The following CHCHD3 variants were observed in gnomAD, a reference collection of about 807,000 sequenced individuals.
The protein encoded by CHCHD3 is MICOS complex subunit MIC19.
Under a neutral mutation model 38.2 loss-of-function variants are expected in CHCHD3, and 20 were observed. That is an observed-to-expected ratio of 0.52 (90% CI 0.37 to 0.76). CHCHD3 has a LOEUF of 0.76. Ranked by LOEUF, CHCHD3 falls within the 30% of genes least tolerant of loss-of-function variation. The pLI is 0.00. For synonymous variants in CHCHD3, 82 were observed against 100.0 expected (o/e 0.82, Z 1.07); for missense variants, 245 against 279.2 (o/e 0.88, Z 0.87).
chr7:132,894,843 T>C (rs1809454734), intron 4 of CHCHD3, among the ~76,000 whole-genome samples: 1 of 152,230 alleles, frequency 6.6e-6, no homozygotes, highest in Non-Finnish European at 1.5e-5. Flanking sequence ...GTATGTACAT[T>C]ATTATGTAAG....
At chr7:133,066,869 C>A (rs1814684713) in intron 2 of CHCHD3, among the ~76,000 whole-genome samples, 2 of 152,176 alleles carry the variant, frequency 1.3e-5, no homozygotes, top group African/African-American at 4.8e-5. Flanking sequence ...CGGGTTCTTT[C>A]CTTAGTTCAA....
At chr7:133,066,663 T>C (rs574859384) in intron 2 of CHCHD3, among the ~76,000 whole-genome samples, 1 of 152,226 alleles carries the variant, frequency 6.6e-6, no homozygotes, top group South Asian at 2.1e-4. Context: ...GATGGGTCCC[T>C]CAGCAAAGCC....
intron 7 of CHCHD3, among the ~76,000 whole-genome samples, chr7:132,795,428 A>G (rs967489603): frequency 1.3e-5 from 2 of 152,222 alleles, no homozygotes; most frequent in East Asian, 3.8e-4. Context: ...AGAAACAGAA[A>G]AAAGCTGCCA....
intron 3 of CHCHD3, among the ~76,000 whole-genome samples, chr7:132,988,943 A>T (rs1435984526): frequency 6.6e-6 from 1 of 152,172 alleles, no homozygotes; most frequent in Non-Finnish European, 1.5e-5. Context: ...AAAATAAAAA[A>T]ATAGTAACAC....
chr7:132,960,098 A>G (rs1383031812), intron 4 of CHCHD3, among the ~76,000 whole-genome samples: 1 of 152,180 alleles, frequency 6.6e-6, no homozygotes, highest in African/African-American at 2.4e-5. Flanking sequence ...CACTTCAACT[A>G]AAAGATTTCT....
chr7:133,029,022 G>A (rs1342068759), intron 2 of CHCHD3, among the ~76,000 whole-genome samples: 1 of 152,076 alleles, frequency 6.6e-6, no homozygotes, highest in Non-Finnish European at 1.5e-5. Context: ...CACACCATAT[G>A]CAGCCCTTCA....
intron 5 of CHCHD3, among the ~76,000 whole-genome samples, chr7:132,842,121 A>G (rs2117101432): frequency 6.6e-6 from 1 of 152,212 alleles, no homozygotes; most frequent in South Asian, 2.1e-4. Flanking sequence ...ATTTTTTTTA[A>G]TATTTTATAA....
chr7:132,871,233 C>G (rs1181021654), intron 5 of CHCHD3, among the ~76,000 whole-genome samples: 2 of 152,064 alleles, frequency 1.3e-5, no homozygotes, highest in Non-Finnish European at 2.9e-5. Flanking sequence ...ATACTTTTGT[C>G]TTTCTGGCAT....
intron 4 of CHCHD3, among the ~76,000 whole-genome samples, chr7:132,926,825 T>G (rs76462548): frequency 0.014 from 2,136 of 152,308 alleles, 54 homozygotes; most frequent in African/African-American, 0.048. Flanking sequence ...ATGTGTATTT[T>G]TTGTTGTTGT....
At chr7:132,875,832 G>T (rs987315880) in intron 5 of CHCHD3, among the ~76,000 whole-genome samples, 1 of 152,182 alleles carries the variant, frequency 6.6e-6, no homozygotes, top group Non-Finnish European at 1.5e-5. Flanking sequence ...ATTGGATTTA[G>T]GTTCCCTTCA....
intron 1 of CHCHD3, among the ~76,000 whole-genome samples, chr7:133,080,106 A>G (rs1043656759): frequency 1.1e-4 from 16 of 152,238 alleles, no homozygotes; most frequent in African/African-American, 3.9e-4. Context: ...AGACCAGCGC[A>G]AGGGCATTCC....
chr7:132,801,506 A>T (rs1806793509), intron 6 of CHCHD3, among the ~76,000 whole-genome samples: 1 of 152,136 alleles, frequency 6.6e-6, no homozygotes, highest in Non-Finnish European at 1.5e-5. Flanking sequence ...ATTTCTTTTG[A>T]TTACTAACAT....
intron 5 of CHCHD3, among the ~76,000 whole-genome samples, chr7:132,855,772 C>A (rs1226533719): frequency 6.6e-6 from 1 of 151,662 alleles, no homozygotes; most frequent in East Asian, 1.9e-4. Flanking sequence ...CATTTTCCTG[C>A]ATTAAACTCT....
chr7:132,985,287 G>A (rs1584621548), intron 3 of CHCHD3, among the ~76,000 whole-genome samples: 1 of 67,346 alleles, frequency 1.5e-5, no homozygotes. Flanking sequence ...CGCCCCGTCC[G>A]GGAGGTGAGG....
intron 3 of CHCHD3, among the ~76,000 whole-genome samples, chr7:133,000,042 TCAG>T (rs1442870044): frequency 1.3e-5 from 2 of 152,176 alleles, no homozygotes; most frequent in African/African-American, 4.8e-5. Flanking sequence ...TTTTATCAGA[TCAG>T]CAATTTTATC....
intron 5 of CHCHD3, among the ~76,000 whole-genome samples, chr7:132,867,035 C>G (rs1024469376): frequency 1.3e-5 from 2 of 152,138 alleles, no homozygotes; most frequent in Non-Finnish European, 2.9e-5. Flanking sequence ...ATCATTTTCT[C>G]TCCTCTTATT....
At chr7:132,912,091 C>T (rs1270604753) in intron 4 of CHCHD3, among the ~76,000 whole-genome samples, 1 of 152,170 alleles carries the variant, frequency 6.6e-6, no homozygotes, top group Non-Finnish European at 1.5e-5. Flanking sequence ...AATATCCTAT[C>T]CATTAATATG....
At chr7:132,852,822 T>C (rs906126170) in intron 5 of CHCHD3, among the ~76,000 whole-genome samples, 25 of 152,318 alleles carry the variant, frequency 1.6e-4, no homozygotes, top group African/African-American at 6.0e-4. Flanking sequence ...CCTCCCACTT[T>C]TGCCTAGAAC....
At position 132,889,015 on chromosome 7, in the gene CHCHD3, G is replaced by A. The variant is rs570115865; in HGVS notation, c.370-3270C>T. Among the ~76,000 whole-genome samples the A allele has an allele frequency of 7.9e-4, 120 of 152,088 alleles. 1 individual carries two copies. The highest frequency in any genetic ancestry group is 6.8e-3 in the Middle Eastern group (2 of 294). ...TGGACTGTTTCTTATTTCCTATAAT[G>A]AACAGTTAGTACTTCTGTGATCAGA... On this transcript the variant is annotated intron_variant, in intron 4 of 7. Coordinates refer to ENST00000262570, the MANE Select transcript of CHCHD3 (RefSeq NM_017812.4).
Sources: allele counts gnomAD v4.1 joint callset (sites outside exome capture counted in the v4.1 genomes callset), GRCh38; gene constraint gnomAD v4.1.1; transcripts MANE v1.5; gene names NCBI Gene and HGNC (gene_info 2026-07-23, HGNC 2026-07-21).